TPH1: variants seen among roughly 807,000 people sequenced by gnomAD.
The protein encoded by TPH1 is tryptophan 5-hydroxylase 1.
In TPH1, 37 loss-of-function variants were observed where a neutral mutation model predicts 49.5. The observed-to-expected ratio is 0.75, with a 90% CI of 0.58 to 0.98. The LOEUF (loss-of-function observed/expected upper bound fraction) is 0.98, where lower values mean the gene tolerates loss of function less well. Ranked by LOEUF, TPH1 falls within the 50% of genes least tolerant of loss-of-function variation. The probability of loss-of-function intolerance (pLI) is 0.00; values close to 1 mark genes in which losing one functional copy is unlikely to be tolerated. For missense variants in TPH1, 487 were observed against 523.6 expected, an observed-to-expected ratio of 0.93 and a Z score of 0.68; for synonymous variants, 160 against 182.1, an observed-to-expected ratio of 0.88 and a Z score of 0.98.
chr11:18,041,508 T>C (rs1272224194), intron 1 of TPH1, among the ~76,000 whole-genome samples: 1 of 152,226 alleles, frequency 6.6e-6, no homozygotes, highest in African/African-American at 2.4e-5. Flanking sequence ...AATATAAAAC[T>C]AAGTTACCAA....
At chr11:18,022,012 A>G (rs954332759) in intron 10 of TPH1, among the ~76,000 whole-genome samples, 54 of 152,326 alleles carry the variant, frequency 3.5e-4, no homozygotes, top group African/African-American at 1.1e-3. Context: ...TGAATGGCCT[A>G]ACTCCCCAAC....
chr11:18,033,909 C>G (rs546788970), intron 3 of TPH1, among the ~76,000 whole-genome samples: 3 of 152,256 alleles, frequency 2.0e-5, no homozygotes, highest in Admixed American at 6.5e-5. Flanking sequence ...CCTGCCCCAC[C>G]CTACCCTTCT....
chr11:18,040,815 G>C (rs1848093346), intron 1 of TPH1, 27 bp from the exon 2 acceptor site: 1 of 1,593,586 alleles, frequency 6.3e-7, no homozygotes, highest in Admixed American at 1.7e-5. Flanking sequence ...AAGACTACGG[G>C]CTAAAAAAGA....
At chr11:18,041,795 G>A (rs1848100323) in intron 1 of TPH1, among the ~76,000 whole-genome samples, 1 of 152,174 alleles carries the variant, frequency 6.6e-6, no homozygotes, top group African/African-American at 2.4e-5. Context: ...CAGTTAAACT[G>A]AATAATTATG....
intron 1 of TPH1, among the ~76,000 whole-genome samples, chr11:18,043,873 A>T (rs925665535): frequency 7.9e-5 from 12 of 152,086 alleles, no homozygotes; most frequent in African/African-American, 2.7e-4. Flanking sequence ...CTCTTAAAAA[A>T]AAAAAAAAGA....
chr11:18,033,131 T>C (rs1848008500), intron 4 of TPH1, 143 bp downstream of exon 4: 1 of 684,974 alleles, frequency 1.5e-6, no homozygotes, highest in Non-Finnish European at 2.7e-6. Context: ...TGGGCACCTG[T>C]GATCCCAGCT....
intron 10 of TPH1, among the ~76,000 whole-genome samples, chr11:18,021,793 C>G (rs748821186): frequency 7.9e-5 from 12 of 152,076 alleles, no homozygotes; most frequent in Non-Finnish European, 1.8e-4. Context: ...CCTCCTTTAT[C>G]AAATCACTGT....
intron 1 of TPH1, chr11:18,042,444 AAAC>A (rs1302914264): frequency 9.6e-6 from 4 of 415,534 alleles, no homozygotes; most frequent in South Asian, 3.5e-5. Flanking sequence ...GTGAAAATGT[AAAC>A]AATAAAAGAG....
chr11:18,035,473 G>A (rs992415734), intron 3 of TPH1, among the ~76,000 whole-genome samples: 3 of 137,190 alleles, frequency 2.2e-5, no homozygotes, highest in Admixed American at 8.4e-5. Context: ...TCACCCAAAC[G>A]GGAGTGCAGT....
At chr11:18,035,082 G>A (rs1240428125) in intron 3 of TPH1, among the ~76,000 whole-genome samples, 1 of 152,254 alleles carries the variant, frequency 6.6e-6, no homozygotes, top group African/African-American at 2.4e-5. Flanking sequence ...GGATCGCCGG[G>A]CCTGCTGCCC....
At chr11:18,042,435 T>A in intron 1 of TPH1, 12 of 414,824 alleles carry the variant, frequency 2.9e-5, no homozygotes, top group South Asian at 2.1e-4. Context: ...TCCTAAAGCG[T>A]GAAAATGTAA....
At chr11:18,042,481 C>T (rs1848107137) in intron 1 of TPH1, 1 of 364,104 alleles carries the variant, frequency 2.7e-6, no homozygotes, top group Non-Finnish European at 5.4e-6. Context: ...TAACAAATTG[C>T]TAGTAATAAA....
chr11:18,029,629 C>T (rs199799021), intron 4 of TPH1, 50 bp from the exon 5 acceptor site: 1 of 1,446,782 alleles, frequency 6.9e-7, no homozygotes, highest in Non-Finnish European at 9.7e-7. Flanking sequence ...AAATACTTGA[C>T]AAATGATATT....
In TPH1 at chr11:18,029,322, C is replaced by G; in HGVS notation, c.510G>C (p.Glu170Asp). The change falls in exon 6 of 11, where the codon GAG becomes GAC. Residue 170 changes from glutamate (E) to aspartate (D), a missense_variant. Transcript: ENST00000682019. ...PIPKVEFTEEEIKTWGTVFQE... is the reference protein window; with the variant it reads ...PIPKVEFTEEDIKTWGTVFQE... ...GGAATACGGTTCCCCAGGTCTTAAT[C>G]TCCTCTTCAGTGAATTCAACCTTTG... 1 of 1,614,030 alleles carries G rather than the reference C, an allele frequency of 6.2e-7. No individual in the cohort carries two copies. The highest frequency in any genetic ancestry group is 1.3e-5 in the African/African-American group (1 of 75,030).
chr11:18,034,196 A>G (rs982161993), intron 3 of TPH1, among the ~76,000 whole-genome samples: 3 of 152,214 alleles, frequency 2.0e-5, no homozygotes, highest in Non-Finnish European at 4.4e-5. Flanking sequence ...CAAGGTTGGT[A>G]TACCCTAAAT....
At chr11:18,024,931 A>T (rs1260522373) in intron 8 of TPH1, among the ~76,000 whole-genome samples, 1 of 151,990 alleles carries the variant, frequency 6.6e-6, no homozygotes, top group African/African-American at 2.4e-5. Context: ...TGAGCACATC[A>T]CTCATTTTCC....
In TPH1 at chr11:18,040,715, TC is replaced by T. The variant is rs1194801968; in HGVS notation, c.47del (p.Gly16GlufsTer9). 2.5e-6 allele frequency: 4 copies of T among 1,612,558 alleles called. No homozygotes were observed. In the South Asian group the frequency reaches 3.3e-5, roughly 13 times the overall value. On this transcript the variant is annotated frameshift_variant, in exon 2 of 11. Transcript: ENST00000682019. LOFTEE classifies it high-confidence loss of function. ...TTAAGGAAAAAATGAGACTTGCTCT[TC>T]CCCTTTCTAAGGAATGGTCTTTGTT... is the stretch of plus-strand genomic sequence containing the variant. The part of the protein sequence containing the change: ...KENKDHSLER[G>X]RASLIFSLKN...
At position 18,018,135 on chromosome 11, in the gene TPH1, G is replaced by A. The variant is rs1004066038; in HGVS notation, c.*2856C>T. On this transcript the variant is annotated 3_prime_UTR_variant, in exon 11 of 11. Transcript: ENST00000682019. ...CCAGGTTGCAGCGAGCTGAAATCAC[G>A]CAACTGCGCTCCAGCCTGGGCAACA... 1.3e-5 allele frequency: 2 copies of A among 150,996 alleles called. No individual in the cohort carries two copies. Among genetic ancestry groups the A allele is most frequent in the East Asian group, 1.9e-4 (1 of 5,146 alleles). The allele number at this position is 150,996 out of a possible 1,614,324, so 9.4% of individuals were successfully genotyped here. A position where few individuals can be genotyped will look rare whatever the true frequency, so the allele number is the denominator to read the frequency against.
intron 1 of TPH1, among the ~76,000 whole-genome samples, chr11:18,042,902 T>C (rs1848110937): frequency 6.6e-6 from 1 of 152,236 alleles, no homozygotes; most frequent in African/African-American, 2.4e-5. Flanking sequence ...GTCAGTATTG[T>C]TTTGTATCAA....
Sources: allele counts gnomAD v4.1 joint callset (sites outside exome capture counted in the v4.1 genomes callset), GRCh38; gene constraint gnomAD v4.1.1; transcripts MANE v1.5; gene names NCBI Gene and HGNC (gene_info 2026-07-23, HGNC 2026-07-21).